Variants in MYH11 observed in about 807,000 individuals in gnomAD.
MYH11 encodes myosin heavy chain 11, also known as myosin-11.
In MYH11, 80 loss-of-function variants were observed where a neutral mutation model predicts 246.6. That is an observed-to-expected ratio of 0.32 (90% CI 0.27 to 0.39). MYH11 has a LOEUF of 0.39. MYH11 is among the 10% of genes least tolerant of loss of function. MYH11 has a pLI of 1.00. For missense variants in MYH11, 2,158 were observed against 2,546.8 expected (o/e 0.85, Z 3.29); for synonymous variants, 1,071 against 1,015.5 (o/e 1.05, Z -1.04).
Position 15,726,991 on chromosome 16 carries a change from C to G in MYH11, c.3715G>C (p.Glu1239Gln), listed in dbSNP as rs1256787988. 1.2e-6 allele frequency: 2 copies of G among 1,612,054 alleles called. No individual in the cohort carries two copies. The highest frequency in any genetic ancestry group is 2.2e-5 in the South Asian group (2 of 90,854). Residue 1239 changes from glutamate to glutamine, a missense_variant, in exon 28 of 41, where the codon GAG becomes CAG. Around this residue, in one of 11 missense-constraint regions of MYH11, gnomAD observed 1,013 missense variants for 993.5 expected, o/e 1.02. Transcript: ENST00000300036. The part of the protein sequence containing the change: ...LEKENADLAG[E>Q]LRVLGQAKQE... ...TTGGCCTGGCCCAGGACCCGCAGCT[C>G]CCCGGCCAGGTCTGCGTTCTCTTTC...
chr16:15,704,111 C>G lies in MYH11; in HGVS notation c.5799G>C (p.Glu1933Asp), dbSNP rs746791674. ...ALKSKLRRGN[E>D]TSFVPSRRSG... ...ACCTTCTAGAAGGAACGAAAGAGGT[C>G]TCGTTTCCTCGCCTGTGGGTTGTAA... The change falls in exon 41 of 41, where the codon GAG becomes GAC. Residue 1933 changes from glutamate to aspartate, a missense_variant. By Grantham distance (45) the Glu-to-Asp change is conservative (BLOSUM62 2). Coordinates refer to ENST00000300036, the MANE Select transcript of MYH11 (RefSeq NM_002474.3). The G allele has an allele frequency of 3.7e-6, 6 of 1,614,102 alleles. No homozygotes were observed. Among genetic ancestry groups the G allele is most frequent in the Non-Finnish European group, 5.1e-6 (6 of 1,180,012 alleles).
Position 15,776,062 on chromosome 16 carries a change from A to C in MYH11, c.889+16T>G, listed in dbSNP as rs767470485. ...GGCTCAAGCCATCCAATCACATGTC[A>C]TTGCTAGTCACTTACTTCTCATCTT... is the stretch of plus-strand genomic sequence containing the variant. On this transcript the variant is annotated intron_variant, in intron 8 of 40. Coordinates refer to ENST00000300036, the MANE Select transcript of MYH11 (RefSeq NM_002474.3). 1 of 1,572,896 alleles carries C rather than the reference A, an allele frequency of 6.4e-7. No individual in the cohort carries two copies. Among genetic ancestry groups the C allele is most frequent in the African/African-American group, 1.3e-5 (1 of 74,120 alleles).
chr16:15,742,139 GT>G, intron 20 of MYH11: 1 of 596,402 alleles, frequency 1.7e-6, no homozygotes, highest in Admixed American at 2.6e-5. Flanking sequence ...AACAGAATTA[GT>G]CACCCCAAAA....
intron 1 of MYH11, among the ~76,000 whole-genome samples, chr16:15,850,809 C>T (rs1014672456): frequency 4.6e-5 from 7 of 152,158 alleles, no homozygotes; most frequent in Admixed American, 2.6e-4. Flanking sequence ...GTGGGAAGAT[C>T]GCTTGAGCCT....
At chr16:15,802,324 G>A (rs1220669813) in intron 3 of MYH11, among the ~76,000 whole-genome samples, 2 of 152,192 alleles carry the variant, frequency 1.3e-5, no homozygotes, top group Non-Finnish European at 2.9e-5. Flanking sequence ...CACTGGCATT[G>A]CCTCCATTTT....
chr16:15,717,045 A>G lies in MYH11; in HGVS notation c.5504+95T>C, dbSNP rs145254467. On this transcript the variant is annotated intron_variant, in intron 38 of 40. Transcript: ENST00000300036. The stretch of plus-strand genomic sequence containing the variant: ...TCACAGAGCTTGCTTCTTACAAGCC[A>G]GAACTGATGCTGGAAGAGGTTCCCT... 3.0e-6 allele frequency: 4 copies of G among 1,344,616 alleles called. No homozygotes were observed. In the African/African-American group the frequency reaches 4.3e-5, roughly 14 times the overall value. The allele number at this position is 1,344,616 out of a possible 1,614,324, so 83.3% of individuals were successfully genotyped here.
intron 8 of MYH11, chr16:15,775,802 C>G (rs779978064): frequency 5.8e-6 from 3 of 513,416 alleles, no homozygotes; most frequent in Non-Finnish European, 1.0e-5. Context: ...ACTTGATGCT[C>G]TCTGGTCTAA....
chr16:15,786,281 G>A (rs1596835830), intron 5 of MYH11: 1 of 404,132 alleles, frequency 2.5e-6, no homozygotes, highest in Non-Finnish European at 4.7e-6. Flanking sequence ...AACATTCTAC[G>A]AGCCACAGGG....
chr16:15,801,375 G>A (rs78354269), intron 3 of MYH11, among the ~76,000 whole-genome samples: 3,055 of 152,090 alleles, frequency 0.02, 52 homozygotes, highest in Non-Finnish European at 0.03. Context: ...AGATATATAG[G>A]TAGGATGCAG....
intron 1 of MYH11, among the ~76,000 whole-genome samples, chr16:15,847,830 G>A (rs1001392249): frequency 1.3e-5 from 2 of 152,142 alleles, no homozygotes; most frequent in African/African-American, 2.4e-5. Context: ...GCAAGATGGG[G>A]GATGAGAAGC....
intron 7 of MYH11, among the ~76,000 whole-genome samples, chr16:15,776,779 C>T (rs145927062): frequency 1.1e-4 from 16 of 152,202 alleles, no homozygotes; most frequent in Admixed American, 7.8e-4. Context: ...GTAAACACGC[C>T]ACACTAATTA....
intron 1 of MYH11, among the ~76,000 whole-genome samples, chr16:15,846,840 GC>G (rs71388763): frequency 1.5e-4 from 23 of 152,288 alleles, no homozygotes; most frequent in Middle Eastern, 3.4e-3. Flanking sequence ...TGCAGTCCCA[GC>G]TACTCAGGAG....
chr16:15,816,581 T>C (rs2151348491), intron 3 of MYH11, among the ~76,000 whole-genome samples: 1 of 152,282 alleles, frequency 6.6e-6, no homozygotes, highest in East Asian at 1.9e-4. Flanking sequence ...CTCTGAACAC[T>C]GAGTTTGTCA....
rs1375664185 is a variant in MYH11 at position 15,771,472 on chromosome 16, CAG to C, written c.1033+95_1033+96del. ...TTTTTTTAATGGAAGGTGGGGAATT[CAG>C]AGAGCAGAAATCTGTCCTGACCAGA... On this transcript the variant is annotated intron_variant, in intron 9 of 40. Transcript: ENST00000300036. 5.9e-6 allele frequency: 6 copies of C among 1,021,764 alleles called. No individual in the cohort carries two copies. In the East Asian group the frequency reaches 1.6e-4, roughly 26 times the overall value. 63.3% of individuals were successfully genotyped at this position (1,021,764 alleles called of 1,614,324 possible). A position where few individuals can be genotyped will look rare whatever the true frequency, so the allele number is the denominator to read the frequency against.
intron 1 of MYH11, among the ~76,000 whole-genome samples, chr16:15,841,062 T>C (rs1175561104): frequency 6.6e-6 from 1 of 152,106 alleles, no homozygotes; most frequent in East Asian, 1.9e-4. Context: ...ATAAGAAAAA[T>C]AATTATATGT....
chr16:15,801,934 G>A (rs2042896679), intron 3 of MYH11, among the ~76,000 whole-genome samples: 2 of 152,086 alleles, frequency 1.3e-5, no homozygotes, highest in East Asian at 1.9e-4. Flanking sequence ...TCCAGCCTGG[G>A]CAACAGAGCG....
Position 15,837,963 on chromosome 16 carries a change from T to C in MYH11, c.290A>G (p.Asn97Ser), listed in dbSNP as rs1257012799. 4 of 1,614,160 alleles carry C rather than the reference T, an allele frequency of 2.5e-6. No individual in the cohort carries two copies. Among genetic ancestry groups the C allele is most frequent in the Admixed American group, 1.7e-5 (1 of 60,014 alleles). ...CAGGTTGTGTAGCACGGAGGCTTCG[T>C]TGAGGCACGTCAGCTCCGCCATGTC... ...VEDMAELTCL[N>S]EASVLHNLRE... Residue 97 changes from asparagine (N) to serine (S), a missense_variant, in exon 2 of 41, where the codon AAC (asparagine) becomes AGC (serine). Physicochemically the swap from Asn to Ser is conservative, Grantham distance 46. Transcript: ENST00000300036.
At chr16:15,852,918 T>A (rs1485344933) in intron 1 of MYH11, among the ~76,000 whole-genome samples, 1 of 152,144 alleles carries the variant, frequency 6.6e-6, no homozygotes, top group Non-Finnish European at 1.5e-5. Flanking sequence ...GAGATGGCAT[T>A]AGCGATGTTT....
intron 5 of MYH11, chr16:15,785,721 C>T (rs71378204): frequency 0.025 from 3,812 of 152,528 alleles, 59 homozygotes; most frequent in East Asian, 0.11. Flanking sequence ...GGCCCTACCA[C>T]GTGCCCCCTC....
Sources: gnomAD v4.1 joint callset for allele counts (sites outside exome capture counted in the v4.1 genomes callset) on GRCh38, gnomAD v4.1.1 for gene constraint, gnomAD v4.1.1 regional missense constraint, MANE v1.5 for transcripts, NCBI Gene and HGNC (gene_info 2026-07-23, HGNC 2026-07-21) for gene names.